CPPED1: variants seen among roughly 807,000 people sequenced by gnomAD.
The protein encoded by CPPED1 is serine/threonine-protein phosphatase CPPED1.
In CPPED1, 28 loss-of-function variants were observed where a neutral mutation model predicts 28.0. The ratio of observed to expected loss-of-function variants is 1.00; its 90% CI spans 0.74 to 1.37. The LOEUF (loss-of-function observed/expected upper bound fraction) is 1.37, where lower values mean the gene tolerates loss of function less well. CPPED1 is among the 40% of genes most tolerant of loss of function. CPPED1 has a pLI of 0.00. For synonymous variants in CPPED1, 198 were observed against 180.2 expected, an observed-to-expected ratio of 1.10 and a Z score of -0.79; for missense variants, 504 against 416.5, an observed-to-expected ratio of 1.21 and a Z score of -1.83.
intron 2 of CPPED1, among the ~76,000 whole-genome samples, chr16:12,713,935 T>C (rs1249001406): frequency 6.6e-6 from 1 of 152,108 alleles, no homozygotes; most frequent in Admixed American, 6.6e-5. Context: ...CCTTCCCCAT[T>C]GCCCCCCAAC....
chr16:12,777,170 A>T (rs35933470), intron 2 of CPPED1, among the ~76,000 whole-genome samples: 34,811 of 152,164 alleles, frequency 0.23, 4,319 homozygotes, highest in East Asian at 0.3. Context: ...AGCTGAATAC[A>T]TGAAGAACTC....
intron 2 of CPPED1, among the ~76,000 whole-genome samples, chr16:12,727,121 C>T (rs942782138): frequency 2.6e-5 from 4 of 152,144 alleles, no homozygotes; most frequent in Non-Finnish European, 4.4e-5. Context: ...TGGAGCCCTG[C>T]GTTGGCCACA....
intron 1 of CPPED1, among the ~76,000 whole-genome samples, chr16:12,787,496 C>G (rs1567306754): frequency 6.6e-6 from 1 of 150,594 alleles, no homozygotes; most frequent in East Asian, 2.0e-4. Context: ...ACCTCTGCGT[C>G]TCGGTTCAAG....
chr16:12,769,796 T>C (rs1596478609), intron 2 of CPPED1, among the ~76,000 whole-genome samples: 1 of 152,164 alleles, frequency 6.6e-6, no homozygotes, highest in Non-Finnish European at 1.5e-5. Context: ...AGGCTGGTGA[T>C]ATTTCAACTA....
chr16:12,771,546 G>C (rs193089650), intron 2 of CPPED1, among the ~76,000 whole-genome samples: 41 of 152,342 alleles, frequency 2.7e-4, no homozygotes, highest in African/African-American at 9.6e-4. Context: ...GCAGAGGTTG[G>C]AGCAATGAGA....
Position 12,663,394 on chromosome 16 carries a change from C to T in CPPED1, c.*1492G>A, listed in dbSNP as rs907826844. On this transcript the variant is annotated 3_prime_UTR_variant, in exon 4 of 4. Transcript: ENST00000381774. ...GGTTGTTATTAGCTATGCCCTTTAC[C>T]GAACTCCTTTTCTTGACCTCCTATA... 7.9e-5 allele frequency: 12 copies of T among 152,040 alleles called. No individual in the cohort carries two copies. Among genetic ancestry groups the T allele is most frequent in the Admixed American group, 6.5e-4 (10 of 15,276 alleles). The allele number at this position is 152,040 out of a possible 1,614,324, so 9.4% of individuals were successfully genotyped here.
At chr16:12,720,106 G>C (rs2080131174) in intron 2 of CPPED1, among the ~76,000 whole-genome samples, 1 of 152,152 alleles carries the variant, frequency 6.6e-6, no homozygotes. Context: ...GACAGGCCTA[G>C]ACAGGAGAGC....
At chr16:12,710,042 C>T (rs1168623294) in intron 2 of CPPED1, among the ~76,000 whole-genome samples, 1 of 151,964 alleles carries the variant, frequency 6.6e-6, no homozygotes, top group African/African-American at 2.4e-5. Flanking sequence ...AAAGGGCATA[C>T]AGATTAGAAA....
In CPPED1 at chr16:12,704,607, T is replaced by C. The variant is rs1356405696; in HGVS notation, c.715+17A>G. 1.9e-6 allele frequency: 3 copies of C among 1,592,206 alleles called. No homozygotes were observed. The highest frequency in any genetic ancestry group is 1.7e-5 in the Admixed American group (1 of 58,948). On this transcript the variant is annotated intron_variant, in intron 3 of 3. Coordinates refer to ENST00000381774, the MANE Select transcript of CPPED1 (RefSeq NM_018340.3). ...ACTTGTCCTTCCTCCCTGAAACCCGTGGCCCGGGGCCTCTACCTGCGTGGA... is the reference window on the plus strand; with the variant it reads ...ACTTGTCCTTCCTCCCTGAAACCCGCGGCCCGGGGCCTCTACCTGCGTGGA...
At chr16:12,774,759 G>T (rs1279750346) in intron 2 of CPPED1, among the ~76,000 whole-genome samples, 1 of 152,138 alleles carries the variant, frequency 6.6e-6, no homozygotes, top group Non-Finnish European at 1.5e-5. Context: ...ATTAATGAAT[G>T]AATGAGTTAG....
At chr16:12,683,478 C>G (rs1335748200) in intron 3 of CPPED1, among the ~76,000 whole-genome samples, 7 of 152,160 alleles carry the variant, frequency 4.6e-5, no homozygotes, top group Non-Finnish European at 1.0e-4. Flanking sequence ...AATCATTTCC[C>G]AGCCAACAAT....
chr16:12,746,172 C>T lies in CPPED1; in HGVS notation c.289+35013G>A, dbSNP rs182754836. On this transcript the variant is annotated intron_variant, in intron 2 of 3. Transcript: ENST00000381774. ...GGCAGATCACCTGAAGTCAGGAGTT[C>T]GAGACCAGCCTGGCCAACATGGAAA... is the stretch of plus-strand genomic sequence containing the variant. 9.1e-3 allele frequency among the ~76,000 whole-genome samples: 1,391 copies of T among 152,048 alleles called. 17 individuals carry two copies. The highest frequency in any genetic ancestry group is 0.015 in the Non-Finnish European group (993 of 67,970).
chr16:12,793,165 AC>A (rs774499529), intron 1 of CPPED1, among the ~76,000 whole-genome samples: 4 of 152,194 alleles, frequency 2.6e-5, no homozygotes, highest in Non-Finnish European at 5.9e-5. Context: ...TTAAAACCTT[AC>A]ACGATAGCGG....
At chr16:12,724,080 C>A (rs1403130773) in intron 2 of CPPED1, among the ~76,000 whole-genome samples, 1 of 152,090 alleles carries the variant, frequency 6.6e-6, no homozygotes, top group African/African-American at 2.4e-5. Flanking sequence ...GTATGCAAAC[C>A]ACCCCCCACT....
At chr16:12,706,804 G>C (rs2080053920) in intron 2 of CPPED1, among the ~76,000 whole-genome samples, 1 of 152,116 alleles carries the variant, frequency 6.6e-6, no homozygotes, top group Non-Finnish European at 1.5e-5. Context: ...AGCAGACTGG[G>C]CTTCAGACCC....
chr16:12,765,623 T>C (rs997326870), intron 2 of CPPED1, among the ~76,000 whole-genome samples: 3 of 152,240 alleles, frequency 2.0e-5, no homozygotes, highest in African/African-American at 7.2e-5. Flanking sequence ...ACAGTGGTAT[T>C]TCACTCAAAT....
At chr16:12,795,895 C>A (rs538703476) in intron 1 of CPPED1, among the ~76,000 whole-genome samples, 31 of 152,172 alleles carry the variant, frequency 2.0e-4, no homozygotes, top group African/African-American at 7.0e-4. Flanking sequence ...ACCAGCCTGG[C>A]CAACATGGTA....
intron 2 of CPPED1, among the ~76,000 whole-genome samples, chr16:12,740,748 C>T (rs894065392): frequency 1.3e-5 from 2 of 152,140 alleles, no homozygotes; most frequent in African/African-American, 2.4e-5. Flanking sequence ...GGAGAGAATC[C>T]CTAGCAGAGT....
intron 3 of CPPED1, among the ~76,000 whole-genome samples, chr16:12,686,310 C>T (rs1179576052): frequency 6.6e-6 from 1 of 151,648 alleles, no homozygotes; most frequent in African/African-American, 2.4e-5. Context: ...CTCAAGTGAT[C>T]TTCCTCCCTC....
Sources: gnomAD v4.1 joint callset for allele counts (sites outside exome capture counted in the v4.1 genomes callset) on GRCh38, gnomAD v4.1.1 for gene constraint, MANE v1.5 for transcripts, NCBI Gene and HGNC (gene_info 2026-07-23, HGNC 2026-07-21) for gene names.